KDM4B: variants seen among roughly 807,000 people sequenced by gnomAD.
KDM4B encodes lysine-specific demethylase 4B.
A neutral mutation model predicts 125.2 loss-of-function variants in KDM4B; 32 were observed. The ratio of observed to expected loss-of-function variants is 0.26; its 90% CI spans 0.19 to 0.34. The LOEUF (loss-of-function observed/expected upper bound fraction) is 0.34. Among genes scored for constraint, KDM4B ranks in the 10% least tolerant of loss-of-function variants. KDM4B has a pLI of 1.00. For missense variants in KDM4B, 1,190 were observed against 1,577.7 expected, an observed-to-expected ratio of 0.75 and a Z score of 4.16; for synonymous variants, 721 against 677.9, an observed-to-expected ratio of 1.06 and a Z score of -0.99.
At chr19:5,112,095 A>T (rs1375734390) in intron 10 of KDM4B, 1 of 424,442 alleles carries the variant, frequency 2.4e-6, no homozygotes, top group Non-Finnish European at 4.3e-6. Context: ...TCTACAAAAA[A>T]TTTAAAAATC....
chr19:5,119,997 C>G, intron 11 of KDM4B, 145 bp downstream of exon 11: 1 of 1,084,790 alleles, frequency 9.2e-7, no homozygotes, highest in Admixed American at 2.9e-5. Context: ...TGGGGCATTT[C>G]GTGAAAATAG....
chr19:5,023,583 C>A (rs563369817), intron 2 of KDM4B, among the ~76,000 whole-genome samples: 1 of 152,026 alleles, frequency 6.6e-6, no homozygotes, highest in African/African-American at 2.4e-5. Flanking sequence ...GGCTGGAGGC[C>A]GGCTGGGACT....
rs527808435 is a variant in KDM4B, at chr19:5,110,942, A to G, written c.1115+124A>G. On this transcript the variant is annotated intron_variant, in intron 10 of 22. Transcript: ENST00000159111. The stretch of plus-strand genomic sequence containing the variant: ...GTGTCCCACTCCTCCCTTTCTTCCT[A>G]TTCCCACCCCGCCTCCTCTTTCGTC... 9 of 713,864 alleles carry G rather than the reference A, an allele frequency of 1.3e-5. No individual in the cohort carries two copies. In the South Asian group the frequency reaches 1.6e-4, roughly 13 times the overall value. 44.2% of individuals were successfully genotyped at this position (713,864 alleles called of 1,614,324 possible).
At chr19:5,144,954 A>G in intron 21 of KDM4B, 52 bp downstream of exon 21, 1 of 1,610,054 alleles carries the variant, frequency 6.2e-7, no homozygotes, top group South Asian at 1.1e-5. Flanking sequence ...CTCTTCTTGT[A>G]GGTGCGGGGA....
chr19:4,983,467 G>T (rs1020296675), intron 1 of KDM4B, among the ~76,000 whole-genome samples: 1 of 152,250 alleles, frequency 6.6e-6, no homozygotes, highest in Non-Finnish European at 1.5e-5. Flanking sequence ...CTGTCTGGCG[G>T]TGGTCCTGGC....
intron 1 of KDM4B, among the ~76,000 whole-genome samples, chr19:4,987,310 G>T (rs768794430): frequency 1.3e-5 from 2 of 152,232 alleles, no homozygotes; most frequent in South Asian, 2.1e-4. Flanking sequence ...GCTCTTGGCC[G>T]ATTGCGGTCA....
chr19:5,011,906 C>T (rs2145491810), intron 1 of KDM4B, among the ~76,000 whole-genome samples: 1 of 152,344 alleles, frequency 6.6e-6, no homozygotes, highest in Non-Finnish European at 1.5e-5. Context: ...CGCCAGTGGT[C>T]TCTTCTTCCG....
At chr19:5,147,291 G>A (rs992660133) in intron 21 of KDM4B, among the ~76,000 whole-genome samples, 6 of 152,228 alleles carry the variant, frequency 3.9e-5, no homozygotes, top group Non-Finnish European at 7.3e-5. Context: ...GAGACTCAGG[G>A]TGGGTCTTGA....
Position 5,135,577 on chromosome 19 carries a change from G to A in KDM4B, c.2308+16G>A. 1 of 1,569,856 alleles carries A rather than the reference G, an allele frequency of 6.4e-7. No individual in the cohort carries two copies. The highest frequency in any genetic ancestry group is 8.6e-7 in the Non-Finnish European group (1 of 1,160,252). On this transcript the variant is annotated intron_variant, in intron 15 of 22. Transcript: ENST00000159111. ...GTCCATGCCAGTGAGTGCCACTGTG[G>A]GGCCCAGAGGAGCTGCGCCCTCCTT...
chr19:5,128,088 C>G (rs1963550526), intron 11 of KDM4B, among the ~76,000 whole-genome samples: 1 of 152,012 alleles, frequency 6.6e-6, no homozygotes, highest in Non-Finnish European at 1.5e-5. Context: ...GCTGGAGTCT[C>G]CTGTGTGCGG....
chr19:5,018,328 G>A (rs1407045679), intron 2 of KDM4B, among the ~76,000 whole-genome samples: 1 of 152,160 alleles, frequency 6.6e-6, no homozygotes, highest in African/African-American at 2.4e-5. Flanking sequence ...TCATCCTGCC[G>A]AAGTTCACCA....
chr19:5,034,889 C>T (rs540681031), intron 3 of KDM4B, among the ~76,000 whole-genome samples: 4 of 152,284 alleles, frequency 2.6e-5, no homozygotes, highest in East Asian at 1.9e-4. Context: ...TGCAGTGCTG[C>T]GATCACGGCT....
intron 1 of KDM4B, among the ~76,000 whole-genome samples, chr19:5,003,625 A>G (rs1475369776): frequency 6.6e-6 from 1 of 151,794 alleles, no homozygotes; most frequent in Non-Finnish European, 1.5e-5. Context: ...CCTGGCCAAT[A>G]TGGTGAAACC....
chr19:5,005,167 T>A (rs550293250), intron 1 of KDM4B, among the ~76,000 whole-genome samples: 1 of 152,340 alleles, frequency 6.6e-6, no homozygotes, highest in Non-Finnish European at 1.5e-5. Flanking sequence ...GAGTTGATGG[T>A]GGACTTCTGT....
intron 6 of KDM4B, among the ~76,000 whole-genome samples, chr19:5,058,108 T>C (rs903585419): frequency 3.9e-5 from 6 of 152,208 alleles, no homozygotes; most frequent in African/African-American, 1.4e-4. Context: ...GGAAATGTAG[T>C]CTGACCACAT....
intron 18 of KDM4B, among the ~76,000 whole-genome samples, chr19:5,138,920 C>A (rs537647228): frequency 1.3e-5 from 2 of 152,178 alleles, no homozygotes; most frequent in African/African-American, 4.8e-5. Flanking sequence ...TATTCTTCTG[C>A]GACCGGCTTC....
rs757293807 is a variant in KDM4B at position 5,082,317 on chromosome 19, T to C, written c.781-50T>C. 1.6e-5 allele frequency: 26 copies of C among 1,610,256 alleles called. No homozygotes were observed. In the South Asian group the frequency reaches 2.9e-4, roughly 18 times the overall value. On this transcript the variant is annotated intron_variant, in intron 8 of 22. Transcript: ENST00000159111. This position sits in a 1 kb window ranked among gnomAD's most constrained non-coding sequence, Gnocchi z 5.4. ...TGGGAAGTGCCCACGTCCCATCCCCTGGTGCGCCTCTGGTGGCCCTGCCCT... is the reference window on the plus strand; with the variant it reads ...TGGGAAGTGCCCACGTCCCATCCCCCGGTGCGCCTCTGGTGGCCCTGCCCT...
chr19:5,095,008 G>A (rs923502960), intron 9 of KDM4B, among the ~76,000 whole-genome samples: 1 of 152,288 alleles, frequency 6.6e-6, no homozygotes, highest in East Asian at 1.9e-4. Context: ...GGCAGGGGCA[G>A]TGTGAGGGAT....
chr19:5,007,701 A>G (rs928194556), intron 1 of KDM4B, among the ~76,000 whole-genome samples: 4 of 151,784 alleles, frequency 2.6e-5, no homozygotes, highest in African/African-American at 9.7e-5. Context: ...GTGCACCACA[A>G]TGCCTGGCTA....
Sources: gnomAD v4.1 joint callset for allele counts (sites outside exome capture counted in the v4.1 genomes callset) on GRCh38, gnomAD v4.1.1 for gene constraint, Gnocchi (gnomAD v3.1) non-coding constraint, MANE v1.5 for transcripts, NCBI Gene and HGNC (gene_info 2026-07-23, HGNC 2026-07-21) for gene names.